MTMR12: variants seen among roughly 807,000 people sequenced by gnomAD.
MTMR12 encodes the protein myotubularin-related protein 12.
In MTMR12, 33 loss-of-function variants were observed where a neutral mutation model predicts 96.7. The observed-to-expected ratio is 0.34, with a 90% confidence interval of 0.26 to 0.46. MTMR12 has a LOEUF of 0.46. Among genes scored for constraint, MTMR12 ranks in the 20% least tolerant of loss-of-function variants. MTMR12 has a pLI of 1.00. For missense variants in MTMR12, 721 were observed against 896.1 expected (o/e 0.80, Z 2.49); for synonymous variants, 298 against 327.2 (o/e 0.91, Z 0.96).
intron 1 of MTMR12, among the ~76,000 whole-genome samples, chr5:32,284,715 T>C (rs1750455266): frequency 6.7e-6 from 1 of 150,372 alleles, no homozygotes; most frequent in African/African-American, 2.4e-5. Flanking sequence ...TCTGCAGCTG[T>C]GAAACACGAG....
At chr5:32,268,276 G>A (rs1330073564) in intron 6 of MTMR12, among the ~76,000 whole-genome samples, 3 of 152,084 alleles carry the variant, frequency 2.0e-5, no homozygotes, top group Non-Finnish European at 2.9e-5. Flanking sequence ...GGGAGGCCGA[G>A]GTGGATGGAT....
At chr5:32,310,877 CTTT>C (rs58830358) in intron 1 of MTMR12, among the ~76,000 whole-genome samples, 1 of 144,864 alleles carries the variant, frequency 6.9e-6, no homozygotes. Context: ...AGATTTCTTT[CTTT>C]TTTTTTTTTT....
At chr5:32,267,301 G>C (rs566177580) in intron 6 of MTMR12, among the ~76,000 whole-genome samples, 1 of 150,950 alleles carries the variant, frequency 6.6e-6, no homozygotes, top group African/African-American at 2.4e-5. Context: ...GCTTGAACCC[G>C]GAAGGTGGAG....
chr5:32,274,336 C>T (rs1749966761), intron 2 of MTMR12, among the ~76,000 whole-genome samples: 1 of 152,122 alleles, frequency 6.6e-6, no homozygotes, highest in Admixed American at 6.5e-5. Flanking sequence ...ATTGAAATGG[C>T]TCAGATACAC....
At position 32,296,338 on chromosome 5, in the gene MTMR12, G is replaced by A. The variant is rs543427489; in HGVS notation, c.81+16420C>T. 15 of 165,730 alleles carry A rather than the reference G, an allele frequency of 9.1e-5. No homozygotes were observed. The South Asian group carries it at 1.7e-3, about 19-fold the overall frequency. 10.3% of individuals were successfully genotyped at this position (165,730 alleles called of 1,614,324 possible). Reference sequence around the variant, plus strand: ...TACAAAAAATGAACAAAATTACCTGGGCATGTTGTGTGTACCTGTAGTCCC... The same window carrying A: ...TACAAAAAATGAACAAAATTACCTGAGCATGTTGTGTGTACCTGTAGTCCC... On this transcript the variant is annotated intron_variant, in intron 1 of 15. Transcript: ENST00000382142.
intron 7 of MTMR12, among the ~76,000 whole-genome samples, chr5:32,256,404 C>T (rs1290334011): frequency 6.6e-6 from 1 of 152,222 alleles, no homozygotes; most frequent in African/African-American, 2.4e-5. Flanking sequence ...TAAGACTCTT[C>T]CCTGGTTACA....
chr5:32,253,610 C>T (rs974267018), intron 8 of MTMR12, among the ~76,000 whole-genome samples: 6 of 152,134 alleles, frequency 3.9e-5, no homozygotes, highest in Admixed American at 2.6e-4. Context: ...AGTGAGAACA[C>T]GTTCTCACAG....
chr5:32,273,730 A>G (rs4505967), intron 3 of MTMR12, among the ~76,000 whole-genome samples: 67,769 of 151,350 alleles, frequency 0.45, 16,274 homozygotes, highest in African/African-American at 0.62. Context: ...TTTATGTGGG[A>G]TGGTGGGGAG....
At chr5:32,237,005 T>C (rs1748262081) in intron 13 of MTMR12, among the ~76,000 whole-genome samples, 1 of 152,220 alleles carries the variant, frequency 6.6e-6, no homozygotes, top group Non-Finnish European at 1.5e-5. Context: ...TTCAGCTCAA[T>C]GGGACACAGA....
intron 13 of MTMR12, among the ~76,000 whole-genome samples, chr5:32,238,422 A>T (rs1470413448): frequency 6.6e-6 from 1 of 152,108 alleles, no homozygotes; most frequent in Non-Finnish European, 1.5e-5. Flanking sequence ...TATGTTGCCC[A>T]GGCTGGTTTC....
rs984681185 is a variant in MTMR12, at chr5:32,228,092, C to G, written c.*1686G>C. ...CTCACTGCAAACTCCACCTCCCAGG[C>G]TCACGGGATCCTCCCACCTCAGCCT... On this transcript the variant is annotated 3_prime_UTR_variant, in exon 16 of 16. Coordinates refer to ENST00000382142, the MANE Select transcript of MTMR12 (RefSeq NM_001040446.3). The G allele has an allele frequency of 7.2e-5, 11 of 152,302 alleles. No homozygotes were observed. The highest frequency in any genetic ancestry group is 2.7e-4 in the African/African-American group (11 of 41,456). 9.4% of individuals were successfully genotyped at this position (152,302 alleles called of 1,614,324 possible). A position where few individuals can be genotyped will look rare whatever the true frequency, so the allele number is the denominator to read the frequency against.
intron 15 of MTMR12, among the ~76,000 whole-genome samples, chr5:32,230,609 G>C (rs920376091): frequency 2.0e-5 from 3 of 152,246 alleles, no homozygotes; most frequent in African/African-American, 7.2e-5. Context: ...CTGGGACACA[G>C]AGAAAGGAGC....
intron 13 of MTMR12, among the ~76,000 whole-genome samples, chr5:32,236,533 A>T (rs1003656451): frequency 6.6e-6 from 1 of 150,842 alleles, no homozygotes; most frequent in African/African-American, 2.4e-5. Context: ...GGCAACAGAG[A>T]GAGACCATGT....
At chr5:32,242,342 G>A (rs113155069) in intron 11 of MTMR12, among the ~76,000 whole-genome samples, 5 of 151,974 alleles carry the variant, frequency 3.3e-5, no homozygotes, top group African/African-American at 1.2e-4. Flanking sequence ...AAATTTTCAG[G>A]AGGGAATCCT....
At chr5:32,230,633 C>G (rs898224378) in intron 15 of MTMR12, among the ~76,000 whole-genome samples, 2 of 152,214 alleles carry the variant, frequency 1.3e-5, no homozygotes, top group African/African-American at 4.8e-5. Flanking sequence ...TGGTGCCCTC[C>G]TCCTCTGTCA....
intron 1 of MTMR12, among the ~76,000 whole-genome samples, chr5:32,294,594 C>A (rs1303941362): frequency 2.0e-5 from 3 of 152,160 alleles, no homozygotes; most frequent in Admixed American, 2.0e-4. Context: ...AGCCACCGCA[C>A]CTGGCCAAGC....
chr5:32,285,361 A>AG (rs1750494692), intron 1 of MTMR12, among the ~76,000 whole-genome samples: 1 of 150,996 alleles, frequency 6.6e-6, no homozygotes, highest in African/African-American at 2.4e-5. Context: ...CCATTTCAAA[A>AG]AAAAAAAAAA....
chr5:32,293,066 T>C (rs1750795215), intron 1 of MTMR12, among the ~76,000 whole-genome samples: 1 of 152,202 alleles, frequency 6.6e-6, no homozygotes, highest in African/African-American at 2.4e-5. Context: ...TGAAGGATAG[T>C]TGTGTTATGT....
At chr5:32,291,656 G>A (rs949398968) in intron 1 of MTMR12, among the ~76,000 whole-genome samples, 5 of 152,102 alleles carry the variant, frequency 3.3e-5, no homozygotes, top group African/African-American at 1.2e-4. Context: ...ATCACACAAT[G>A]GGCCCATAAA....
Sources: gnomAD v4.1 joint callset for allele counts (sites outside exome capture counted in the v4.1 genomes callset) on GRCh38, gnomAD v4.1.1 for gene constraint, MANE v1.5 for transcripts, NCBI Gene and HGNC (gene_info 2026-07-23, HGNC 2026-07-21) for gene names.